UNC5D: variants seen among roughly 807,000 people sequenced by gnomAD.
UNC5D encodes unc-5 netrin receptor D.
UNC5D carries 39 observed loss-of-function variants against 105.4 expected under a neutral mutation model. The observed-to-expected ratio is 0.37, with a 90% CI of 0.29 to 0.48. UNC5D has a LOEUF of 0.48. Among genes scored for constraint, UNC5D ranks in the 20% least tolerant of loss-of-function variants. The pLI is 0.98. For missense variants in UNC5D, 991 were observed against 1,202.4 expected (o/e 0.82, Z 2.60); for synonymous variants, 452 against 450.4 (o/e 1.00, Z -0.04).
Position 35,774,325 on chromosome 8 carries a change from C to A in UNC5D, c.2505C>A (p.Phe835Leu). 2.5e-6 allele frequency: 4 copies of A among 1,614,046 alleles called. No homozygotes were observed. Among genetic ancestry groups the A allele is most frequent in the Non-Finnish European group, 3.4e-6 (4 of 1,179,970 alleles). The change falls in exon 16 of 17, where the codon TTC (phenylalanine) becomes TTA (leucine). Residue 835 changes from phenylalanine (F) to leucine (L), a missense_variant. Phe to Leu is a conservative substitution (Grantham distance 22). This residue lies in a region of UNC5D where 944 missense variants were observed against 1,131.6 expected (regional missense o/e 0.83). Transcript: ENST00000404895. The stretch of plus-strand genomic sequence containing the variant: ...GTGAACGAGAAACCATCACTTTCTT[C>A]GCACAAGAGGACAGCACTTTCCCTG... ...LESERETITFFAQEDSTFPAQ... is the reference protein window; with the variant it reads ...LESERETITFLAQEDSTFPAQ...
chr8:35,729,329 T>C (rs1191118107), intron 10 of UNC5D, among the ~76,000 whole-genome samples: 1 of 152,224 alleles, frequency 6.6e-6, no homozygotes, highest in Admixed American at 6.5e-5. Context: ...TCTCGGACCC[T>C]GTCTTTTTTA....
chr8:35,604,220 C>T (rs778088420), intron 4 of UNC5D, among the ~76,000 whole-genome samples: 4 of 152,046 alleles, frequency 2.6e-5, no homozygotes, highest in African/African-American at 9.7e-5. Flanking sequence ...CATTCAGGAG[C>T]TCTTTTAGGG....
At chr8:35,509,746 A>G (rs1281516635) in intron 1 of UNC5D, among the ~76,000 whole-genome samples, 1 of 151,838 alleles carries the variant, frequency 6.6e-6, no homozygotes, top group Non-Finnish European at 1.5e-5. Flanking sequence ...TCTCCAGCAG[A>G]CACTTGGTGT....
chr8:35,620,412 GCCCA>G (rs1028694192), intron 4 of UNC5D, among the ~76,000 whole-genome samples: 4 of 152,178 alleles, frequency 2.6e-5, no homozygotes, highest in African/African-American at 9.7e-5. Context: ...AATGTAGATA[GCCCA>G]TCAAAGGTTC....
chr8:35,790,482 G>A lies in UNC5D; in HGVS notation c.2781G>A (p.Arg927=). ...CCTGTGCCCTTGAAGAGATTGGGAG[G>A]ACACACACGAAACTCTCAAACATTT... ...SLACALEEIG[R]THTKLSNISE... is the part of the protein sequence containing the mutation. Residue 927 remains arginine (R), a synonymous_variant, in exon 17 of 17, where the codon AGG becomes AGA. Transcript: ENST00000404895. 1 of 1,613,882 alleles carries A rather than the reference G, an allele frequency of 6.2e-7. No individual in the cohort carries two copies. Among genetic ancestry groups the A allele is most frequent in the Non-Finnish European group, 8.5e-7 (1 of 1,179,868 alleles).
At chr8:35,245,636 A>T (rs1198492262) in intron 1 of UNC5D, among the ~76,000 whole-genome samples, 1 of 152,186 alleles carries the variant, frequency 6.6e-6, no homozygotes, top group African/African-American at 2.4e-5. Context: ...AAAAATATCC[A>T]TCTGATGTTT....
chr8:35,552,548 C>T (rs906230470), intron 2 of UNC5D, among the ~76,000 whole-genome samples: 10 of 152,310 alleles, frequency 6.6e-5, no homozygotes, highest in African/African-American at 2.2e-4. Context: ...CTTCCATCTT[C>T]GTAAAAGCCA....
intron 1 of UNC5D, among the ~76,000 whole-genome samples, chr8:35,482,918 G>A (rs1046950403): frequency 2.1e-5 from 3 of 145,226 alleles, no homozygotes; most frequent in African/African-American, 5.1e-5. Context: ...TTCTCCTGCC[G>A]TGGCCCCCCG....
At chr8:35,688,570 A>G (rs1299797993) in intron 7 of UNC5D, among the ~76,000 whole-genome samples, 3 of 152,194 alleles carry the variant, frequency 2.0e-5, no homozygotes, top group African/African-American at 7.2e-5. Context: ...ATGGAAGACC[A>G]CCTACCCACC....
chr8:35,271,986 T>G (rs1246916160), intron 1 of UNC5D, among the ~76,000 whole-genome samples: 1 of 152,010 alleles, frequency 6.6e-6, no homozygotes, highest in African/African-American at 2.4e-5. Flanking sequence ...GGGAGCTCTT[T>G]TTAGCTGCAC....
chr8:35,249,604 A>AATAAT (rs1803556240), intron 1 of UNC5D, among the ~76,000 whole-genome samples: 1 of 140,866 alleles, frequency 7.1e-6, no homozygotes, highest in Admixed American at 7.0e-5. Context: ...ATAATAATAA[A>AATAAT]ATAAATAAAT....
chr8:35,684,507 A>C (rs900602222), intron 5 of UNC5D, 75 bp from the exon 6 acceptor site: 10 of 1,537,304 alleles, frequency 6.5e-6, no homozygotes, highest in Non-Finnish European at 8.8e-6. Flanking sequence ...CACCTGGCAC[A>C]GTGGCTTGCA....
intron 1 of UNC5D, among the ~76,000 whole-genome samples, chr8:35,380,348 A>G (rs79366963): frequency 0.012 from 1,838 of 152,030 alleles, 39 homozygotes; most frequent in African/African-American, 0.043. Flanking sequence ...TTGTCTGCTA[A>G]TACCATCATA....
intron 2 of UNC5D, among the ~76,000 whole-genome samples, chr8:35,553,643 C>T (rs540069323): frequency 6.6e-6 from 1 of 152,228 alleles, no homozygotes; most frequent in African/African-American, 2.4e-5. Flanking sequence ...AATTATGTTT[C>T]CTAAGCTCTG....
intron 4 of UNC5D, among the ~76,000 whole-genome samples, chr8:35,610,056 G>T (rs367937512): frequency 1.3e-4 from 19 of 151,940 alleles, no homozygotes; most frequent in African/African-American, 3.9e-4. Flanking sequence ...TACCATTTTT[G>T]AAATGTTCTC....
At position 35,794,270 on chromosome 8, in the gene UNC5D, G is replaced by T. The variant is rs1586658350; in HGVS notation, c.*3707G>T. The T allele has an allele frequency of 6.6e-6, 1 of 152,094 alleles. No individual in the cohort carries two copies. Among genetic ancestry groups the T allele is most frequent in the Non-Finnish European group, 1.5e-5 (1 of 68,004 alleles). The allele number at this position is 152,094 out of a possible 1,614,324, so 9.4% of individuals were successfully genotyped here. A position where few individuals can be genotyped will look rare whatever the true frequency, so the allele number is the denominator to read the frequency against. On this transcript the variant is annotated 3_prime_UTR_variant, in exon 17 of 17. Coordinates refer to ENST00000404895, the MANE Select transcript of UNC5D (RefSeq NM_080872.4). ...CAGATGTATTGAAGGCAAAGTTCTC[G>T]CAGAGGTCTCTGTTCCAGCTCTGTA...
Position 35,235,556 on chromosome 8 carries a change from C to A in UNC5D, c.-229C>A. 1 of 366,786 alleles carries A rather than the reference C, an allele frequency of 2.7e-6. No homozygotes were observed. The highest frequency in any genetic ancestry group is 4.0e-5 in the East Asian group (1 of 24,948). 22.7% of individuals were successfully genotyped at this position (366,786 alleles called of 1,614,324 possible). ...CGGGCGACTCCGGCATCCGCGCTGG[C>A]GGCAGCGGTCGCCGCGCCGTGGGAA... On this transcript the variant is annotated 5_prime_UTR_variant, in exon 1 of 17. Coordinates refer to ENST00000404895, the MANE Select transcript of UNC5D (RefSeq NM_080872.4).
chr8:35,678,947 A>G (rs1825468315), intron 4 of UNC5D, among the ~76,000 whole-genome samples: 2 of 152,068 alleles, frequency 1.3e-5, no homozygotes, highest in South Asian at 2.1e-4. Flanking sequence ...AAATGATATA[A>G]TTATCTTTAA....
At chr8:35,625,165 C>G (rs1201109788) in intron 4 of UNC5D, among the ~76,000 whole-genome samples, 3 of 152,014 alleles carry the variant, frequency 2.0e-5, no homozygotes, top group African/African-American at 7.2e-5. Context: ...CATAAACTTC[C>G]CTTGATTTTT....
Sources: allele counts gnomAD v4.1 joint callset (sites outside exome capture counted in the v4.1 genomes callset), GRCh38; gene constraint gnomAD v4.1.1; regional missense constraint gnomAD v4.1.1; transcripts MANE v1.5; gene names NCBI Gene and HGNC (gene_info 2026-07-23, HGNC 2026-07-21).